The following RBFOX3 variants were observed in gnomAD, a reference collection of about 807,000 sequenced individuals.
RBFOX3 encodes the protein RNA binding protein fox-1 homolog 3.
RBFOX3 carries 17 observed loss-of-function variants against 48.7 expected under a neutral mutation model. The observed-to-expected ratio is 0.35, with a 90% CI of 0.24 to 0.52. The LOEUF (loss-of-function observed/expected upper bound fraction) is 0.52. Ranked by LOEUF, RBFOX3 falls within the 20% of genes least tolerant of loss-of-function variation. The pLI is 0.94. For synonymous variants in RBFOX3, 212 were observed against 209.5 expected (o/e 1.01, Z -0.10); for missense variants, 382 against 497.5 (o/e 0.77, Z 2.21).
At chr17:79,544,043 G>C (rs186044609) in intron 1 of RBFOX3, among the ~76,000 whole-genome samples, 30 of 152,300 alleles carry the variant, frequency 2.0e-4, no homozygotes, top group Admixed American at 2.0e-4. Flanking sequence ...CCTGGGCATT[G>C]AGAGCTCCTT....
intron 1 of RBFOX3, among the ~76,000 whole-genome samples, chr17:79,493,669 G>C (rs2081027125): frequency 6.6e-6 from 1 of 152,188 alleles, no homozygotes; most frequent in Admixed American, 6.5e-5. Context: ...ATTTGTTTCT[G>C]TCTCAGCCAT....
intron 3 of RBFOX3, among the ~76,000 whole-genome samples, chr17:79,292,685 G>A (rs1407199645): frequency 1.3e-5 from 2 of 152,074 alleles, no homozygotes; most frequent in Admixed American, 6.6e-5. Flanking sequence ...GGCTGCTTTC[G>A]CTGTGTAATG....
chr17:79,472,750 A>T (rs1449831098), intron 2 of RBFOX3, among the ~76,000 whole-genome samples: 1 of 152,220 alleles, frequency 6.6e-6, no homozygotes, highest in Non-Finnish European at 1.5e-5. Flanking sequence ...TCAAGCGAGG[A>T]CACTGCCCTG....
chr17:79,458,552 A>G (rs9912683), intron 2 of RBFOX3, among the ~76,000 whole-genome samples: 27,716 of 151,872 alleles, frequency 0.18, 2,600 homozygotes, highest in Middle Eastern at 0.24. Context: ...TGAGATACGG[A>G]ACTGCTGCAT....
At chr17:79,413,545 C>T (rs531467774) in intron 2 of RBFOX3, among the ~76,000 whole-genome samples, 17 of 152,372 alleles carry the variant, frequency 1.1e-4, no homozygotes, top group Middle Eastern at 3.4e-3. Context: ...CTTCTCTTCC[C>T]GTGGCCACAC....
the RBFOX3 span, among the ~76,000 whole-genome samples, chr17:79,647,947 C>T: frequency 6.6e-6 from 1 of 150,828 alleles, no homozygotes; most frequent in African/African-American, 2.4e-5. Context: ...CCTGGGGGTG[C>T]AGTGGTGGAC....
chr17:79,213,519 C>T (rs1251092111), intron 4 of RBFOX3, among the ~76,000 whole-genome samples: 1 of 152,220 alleles, frequency 6.6e-6, no homozygotes, highest in African/African-American at 2.4e-5. Context: ...GGCCTCCCAC[C>T]CCGCCAACCA....
intron 3 of RBFOX3, among the ~76,000 whole-genome samples, chr17:79,301,737 G>A (rs981662724): frequency 5.3e-5 from 8 of 152,186 alleles, no homozygotes; most frequent in East Asian, 3.9e-4. Flanking sequence ...AGCAGAATGC[G>A]GTTCCCCCAC....
intron 2 of RBFOX3, among the ~76,000 whole-genome samples, chr17:79,358,974 G>A (rs2085769181): frequency 6.6e-6 from 1 of 152,214 alleles, no homozygotes; most frequent in South Asian, 2.1e-4. Context: ...GACACCACGA[G>A]TGGCACAGGG....
At chr17:79,158,657 G>A (rs912492515) in intron 4 of RBFOX3, among the ~76,000 whole-genome samples, 2 of 152,218 alleles carry the variant, frequency 1.3e-5, no homozygotes, top group Non-Finnish European at 2.9e-5. Flanking sequence ...GGCAAGGAAG[G>A]TGGCTAGGGC....
chr17:79,328,169 A>G (rs1195391448), intron 2 of RBFOX3, among the ~76,000 whole-genome samples: 1 of 152,228 alleles, frequency 6.6e-6, no homozygotes, highest in Non-Finnish European at 1.5e-5. Flanking sequence ...GACTCATGGC[A>G]TACTATTCTG....
chr17:79,490,458 C>T (rs2080326153), intron 1 of RBFOX3, among the ~76,000 whole-genome samples: 1 of 152,172 alleles, frequency 6.6e-6, no homozygotes, highest in Non-Finnish European at 1.5e-5. Context: ...AGAACCCTGG[C>T]CATGAGGCTG....
At chr17:79,094,575 G>A (rs760618665) in intron 13 of RBFOX3, 46 bp from the exon 14 acceptor site, 14 of 740,060 alleles carry the variant, frequency 1.9e-5, no homozygotes, top group East Asian at 1.4e-4. Flanking sequence ...GTGGGGGAGG[G>A]GGGCAGGTGA....
rs187487957 is a variant in RBFOX3, at chr17:79,365,080, A to G, written c.-174-57256T>C. Among the ~76,000 whole-genome samples the G allele has an allele frequency of 4.3e-4, 66 of 152,258 alleles. No homozygotes were observed. The East Asian group carries it at 5.4e-3, about 12-fold the overall frequency. The stretch of plus-strand genomic sequence containing the variant: ...TCTCTTGGTATTTATTGGGCCCCCA[A>G]TAAAGCCTCTCTACCCTCAACACTT... On this transcript the variant is annotated intron_variant, in intron 2 of 14. Coordinates refer to ENST00000693108, the MANE Select transcript of RBFOX3 (RefSeq NM_001350451.2).
the RBFOX3 span, among the ~76,000 whole-genome samples, chr17:79,635,577 A>C: frequency 6.6e-6 from 1 of 152,230 alleles, no homozygotes; most frequent in Non-Finnish European, 1.5e-5. Context: ...AAAACATAGA[A>C]GACATTAAAG....
chr17:79,551,579 T>C (rs1467146349), intron 1 of RBFOX3, among the ~76,000 whole-genome samples: 1 of 151,418 alleles, frequency 6.6e-6, no homozygotes, highest in Admixed American at 6.6e-5. Context: ...GATAGATAGG[T>C]AGGTGGATCC....
rs116397853 is a variant in RBFOX3, at chr17:79,279,475, G to A, written c.-74+28249C>T. On this transcript the variant is annotated intron_variant, in intron 3 of 14. Transcript: ENST00000693108. ...CACCCTCACGGCACAGCATGGCCCG[G>A]CCCGGCACGGTACGGCACTGTCACG... Among the ~76,000 whole-genome samples the A allele has an allele frequency of 9.3e-3, 1,421 of 152,318 alleles. 23 individuals carry two copies. The highest frequency in any genetic ancestry group is 0.032 in the African/African-American group (1,341 of 41,564).
intron 2 of RBFOX3, among the ~76,000 whole-genome samples, chr17:79,431,122 T>A (rs193175091): frequency 2.1e-3 from 319 of 152,292 alleles, no homozygotes; most frequent in Non-Finnish European, 3.1e-3. Flanking sequence ...TCATGGGTAT[T>A]GCACATGAAA....
intron 2 of RBFOX3, among the ~76,000 whole-genome samples, chr17:79,321,811 A>G (rs2078568183): frequency 6.6e-6 from 1 of 151,662 alleles, no homozygotes; most frequent in African/African-American, 2.4e-5. Flanking sequence ...GTTCAAGCAA[A>G]TCTCCAGCCT....
Sources: allele counts gnomAD v4.1 joint callset (sites outside exome capture counted in the v4.1 genomes callset), GRCh38; gene constraint gnomAD v4.1.1; transcripts MANE v1.5; gene names NCBI Gene and HGNC (gene_info 2026-07-23, HGNC 2026-07-21).